CCDC90B: variants seen among roughly 807,000 people sequenced by gnomAD.
CCDC90B encodes the protein coiled-coil domain containing 90B, also known as coiled-coil domain-containing protein 90B, mitochondrial.
Under a neutral mutation model 37.0 loss-of-function variants are expected in CCDC90B, and 24 were observed. The observed-to-expected ratio is 0.65, with a 90% CI of 0.47 to 0.91. The LOEUF (loss-of-function observed/expected upper bound fraction) is 0.91, where lower values mean the gene tolerates loss of function less well. CCDC90B is among the 40% of genes least tolerant of loss of function. CCDC90B has a pLI of 0.00. For missense variants in CCDC90B, 319 were observed against 299.0 expected (o/e 1.07, Z -0.49); for synonymous variants, 113 against 101.1 (o/e 1.12, Z -0.71).
Position 83,259,281 on chromosome 11 carries a change from T to C in CCDC90B, c.*2630A>G, listed in dbSNP as rs1184533190. 2 of 152,300 alleles carry C rather than the reference T, an allele frequency of 1.3e-5. No homozygotes were observed. Among genetic ancestry groups the C allele is most frequent in the East Asian group, 1.9e-4 (1 of 5,184 alleles). 9.4% of individuals were successfully genotyped at this position (152,300 alleles called of 1,614,324 possible). A position where few individuals can be genotyped will look rare whatever the true frequency, so the allele number is the denominator to read the frequency against. The stretch of plus-strand genomic sequence containing the variant: ...TAGAAACACAATCCTCTCATCCTTA[T>C]TTCATATATTTCCATCACTGAAACA... On this transcript the variant is annotated 3_prime_UTR_variant, in exon 9 of 9. Transcript: ENST00000529689.
At chr11:83,269,603 C>T (rs930169677) in intron 7 of CCDC90B, among the ~76,000 whole-genome samples, 3 of 152,084 alleles carry the variant, frequency 2.0e-5, no homozygotes, top group Non-Finnish European at 4.4e-5. Flanking sequence ...CAAGACTAAA[C>T]CAGGAAGAAG....
intron 8 of CCDC90B, among the ~76,000 whole-genome samples, chr11:83,263,413 T>G (rs1272691608): frequency 6.6e-6 from 1 of 152,188 alleles, no homozygotes; most frequent in African/African-American, 2.4e-5. Context: ...CATCTCCAAT[T>G]TCTTTTAAGT....
intron 3 of CCDC90B, among the ~76,000 whole-genome samples, chr11:83,276,736 C>G (rs1865055411): frequency 6.6e-6 from 1 of 152,166 alleles, no homozygotes; most frequent in South Asian, 2.1e-4. Flanking sequence ...AGGTGTCCAT[C>G]TGTAACAACT....
At chr11:83,267,663 T>C (rs1441697476) in intron 7 of CCDC90B, among the ~76,000 whole-genome samples, 1 of 152,102 alleles carries the variant, frequency 6.6e-6, no homozygotes, top group African/African-American at 2.4e-5. Flanking sequence ...AGTGGGAGAA[T>C]GGAACCAAGT....
chr11:83,265,743 A>C, intron 8 of CCDC90B, 122 bp downstream of exon 8: 1 of 618,626 alleles, frequency 1.6e-6, no homozygotes, highest in Non-Finnish European at 2.9e-6. Context: ...ACAGGGGACC[A>C]AGCAATAAAG....
Position 83,265,885 on chromosome 11 carries a change from T to C in CCDC90B, c.689A>G (p.Glu230Gly). Residue 230 changes from glutamate (E) to glycine (G), a missense_variant, in exon 8 of 9, where the codon GAG becomes GGG. Physicochemically the swap from Glu to Gly is moderately conservative, Grantham distance 98. Transcript: ENST00000529689. Reference sequence around the variant, plus strand: ...CTTACCTGCAAGATAACGAATTGTCTCAAGTTTGTTAGATTCCATCAGTGT... The same window carrying C: ...CTTACCTGCAAGATAACGAATTGTCCCAAGTTTGTTAGATTCCATCAGTGT... ...LKTLMESNKL[E>G]TIRYLAASVF... is the part of the protein sequence containing the mutation. 6.2e-7 allele frequency: 1 copy of C among 1,606,576 alleles called. No individual in the cohort carries two copies. The highest frequency in any genetic ancestry group is 8.5e-7 in the Non-Finnish European group (1 of 1,175,312).
At chr11:83,264,092 A>T (rs1864097973) in intron 8 of CCDC90B, among the ~76,000 whole-genome samples, 1 of 152,202 alleles carries the variant, frequency 6.6e-6, no homozygotes, top group South Asian at 2.1e-4. Flanking sequence ...GGCCACCAAG[A>T]TATGTGTGTG....
At chr11:83,275,867 G>A (rs1287619997) in intron 3 of CCDC90B, among the ~76,000 whole-genome samples, 1 of 152,170 alleles carries the variant, frequency 6.6e-6, no homozygotes, top group Admixed American at 6.5e-5. Context: ...ACAACTTAAA[G>A]AGTTGTTTTG....
At position 83,285,862 on chromosome 11, in the gene CCDC90B, C is replaced by A; in HGVS notation, c.100+11G>T. 6.2e-7 allele frequency: 1 copy of A among 1,608,748 alleles called. No homozygotes were observed. Among genetic ancestry groups the A allele is most frequent in the Non-Finnish European group, 8.5e-7 (1 of 1,178,616 alleles). On this transcript the variant is annotated intron_variant, in intron 1 of 8. Transcript: ENST00000529689. ...GCACTCAGGCATCTATGACACGACGCCTTGCCTCACCTCTCCGCAGGGCCG... is the reference window on the plus strand; with the variant it reads ...GCACTCAGGCATCTATGACACGACGACTTGCCTCACCTCTCCGCAGGGCCG...
At chr11:83,285,275 A>G (rs1865614299) in intron 1 of CCDC90B, 4 of 1,270,216 alleles carry the variant, frequency 3.1e-6, no homozygotes, top group Middle Eastern at 2.2e-4. Context: ...CTAGCCCTAG[A>G]AACATTTCTC....
intron 2 of CCDC90B, among the ~76,000 whole-genome samples, chr11:83,279,295 A>C (rs1341276111): frequency 6.6e-6 from 1 of 152,094 alleles, no homozygotes; most frequent in Non-Finnish European, 1.5e-5. Flanking sequence ...AAAACAAAAA[A>C]AAAACAAACA....
intron 3 of CCDC90B, among the ~76,000 whole-genome samples, chr11:83,275,346 A>G (rs1471494591): frequency 6.6e-6 from 1 of 152,144 alleles, no homozygotes. Context: ...GATTTAAGAC[A>G]GCCTTACAAA....
Position 83,273,874 on chromosome 11 carries a change from A to G in CCDC90B, c.469-10T>C. 6.3e-7 allele frequency: 1 copy of G among 1,599,910 alleles called. No homozygotes were observed. On this transcript the variant is annotated splice_polypyrimidine_tract_variant and intron_variant, in intron 5 of 8. Coordinates refer to ENST00000529689, the MANE Select transcript of CCDC90B (RefSeq NM_021825.5). ...TTCGACTGGTTTCATGCTTTAAAGA[A>G]AGCAAAGATATTTAAAAAATGATCT...
Position 83,261,858 on chromosome 11 carries a change from T to C in CCDC90B, c.*53A>G, listed in dbSNP as rs1863942421. 1.5e-6 allele frequency: 2 copies of C among 1,303,936 alleles called. No homozygotes were observed. Among genetic ancestry groups the C allele is most frequent in the Non-Finnish European group, 2.2e-6 (2 of 919,316 alleles). The allele number at this position is 1,303,936 out of a possible 1,614,324, so 80.8% of individuals were successfully genotyped here. ...ACTGACAATGTTCAAAGTAAATCTCTCCCGGTTTGGTGTTCTAAGAAGCCA... is the reference window on the plus strand; with the variant it reads ...ACTGACAATGTTCAAAGTAAATCTCCCCCGGTTTGGTGTTCTAAGAAGCCA... On this transcript the variant is annotated 3_prime_UTR_variant, in exon 9 of 9. Transcript: ENST00000529689.
In CCDC90B at chr11:83,286,101, T is replaced by C. The variant is rs759437333; in HGVS notation, c.-129A>G. On this transcript the variant is annotated 5_prime_UTR_variant, in exon 1 of 9. Transcript: ENST00000529689. ...GTTTTCGCTCTGTCACAAGCTCACC[T>C]CCCAGCGCAGGCGCCACCGTGGTCC... 5.2e-6 allele frequency: 8 copies of C among 1,536,662 alleles called. No individual in the cohort carries two copies. The highest frequency in any genetic ancestry group is 2.4e-5 in the South Asian group (2 of 84,062).
intron 7 of CCDC90B, among the ~76,000 whole-genome samples, chr11:83,269,113 CA>C (rs1482471945): frequency 6.6e-6 from 1 of 152,176 alleles, no homozygotes; most frequent in African/African-American, 2.4e-5. Context: ...ACATTTAAAA[CA>C]GTGTGTAGAG....
intron 7 of CCDC90B, 95 bp downstream of exon 7, chr11:83,273,552 T>G: frequency 1.0e-6 from 1 of 982,258 alleles, no homozygotes; most frequent in South Asian, 2.0e-5. Flanking sequence ...CAAGGGTAGT[T>G]TTTAAAAGTC....
chr11:83,279,192 A>T (rs2135659479), intron 2 of CCDC90B, among the ~76,000 whole-genome samples: 2 of 152,234 alleles, frequency 1.3e-5, no homozygotes, highest in Middle Eastern at 6.8e-3. Flanking sequence ...GAGGCAGGAG[A>T]ATGGTGTGAA....
At position 83,285,957 on chromosome 11, in the gene CCDC90B, C is replaced by G. The variant is rs1865665190; in HGVS notation, c.16G>C (p.Ala6Pro). Reference protein sequence around the residue: MNSRQAWRLFLSQGRG... With the variant: MNSRQPWRLFLSQGRG... ...CCTTGGGAGAGAAAGAGCCGCCAAG[C>G]CTGGCGACTATTCATGTCCTCAGAG... Residue 6 changes from alanine (A) to proline (P), a missense_variant, in exon 1 of 9, where the codon GCT becomes CCT. Coordinates refer to ENST00000529689, the MANE Select transcript of CCDC90B (RefSeq NM_021825.5). The G allele has an allele frequency of 1.9e-6, 3 of 1,611,964 alleles. No homozygotes were observed. The highest frequency in any genetic ancestry group is 1.7e-4 in the Middle Eastern group (1 of 6,060).
Sources: allele counts gnomAD v4.1 joint callset (sites outside exome capture counted in the v4.1 genomes callset), GRCh38; gene constraint gnomAD v4.1.1; transcripts MANE v1.5; gene names NCBI Gene and HGNC (gene_info 2026-07-23, HGNC 2026-07-21).